KIAA1671: variants seen among roughly 807,000 people sequenced by gnomAD.
KIAA1671 encodes the protein KIAA1671.
A neutral mutation model predicts 131.2 loss-of-function variants in KIAA1671; 52 were observed. The observed-to-expected ratio is 0.40, with a 90% confidence interval of 0.32 to 0.50. The LOEUF (loss-of-function observed/expected upper bound fraction) is 0.50, where lower values mean the gene tolerates loss of function less well. KIAA1671 is among the 20% of genes least tolerant of loss of function. KIAA1671 has a pLI of 0.73. For synonymous variants in KIAA1671, 1,003 were observed against 961.6 expected, an observed-to-expected ratio of 1.04 and a Z score of -0.80; for missense variants, 2,360 against 2,364.2, an observed-to-expected ratio of 1.00 and a Z score of 0.04.
At chr22:25,188,279 C>T (rs7293195) in intron 11 of KIAA1671, among the ~76,000 whole-genome samples, 4,411 of 150,798 alleles carry the variant, frequency 0.029, 99 homozygotes, top group Middle Eastern at 0.061. Context: ...GCAGCCTGGG[C>T]GACAGAGAGA....
chr22:25,085,512 C>CG (rs1929656086), intron 6 of KIAA1671, among the ~76,000 whole-genome samples: 1 of 151,494 alleles, frequency 6.6e-6, no homozygotes, highest in South Asian at 2.1e-4. Context: ...CCCCACCTCC[C>CG]CCCCCATAAC....
At chr22:25,173,251 T>A (rs1933911346) in intron 7 of KIAA1671, among the ~76,000 whole-genome samples, 1 of 151,908 alleles carries the variant, frequency 6.6e-6, no homozygotes, top group Non-Finnish European at 1.5e-5. Context: ...CTTCCTCCAA[T>A]TCGACATGAG....
chr22:25,003,400 A>ATTTTTTTTTT (rs71191013), intron 1 of KIAA1671, among the ~76,000 whole-genome samples: 13 of 113,838 alleles, frequency 1.1e-4, no homozygotes, highest in African/African-American at 5.5e-4. Flanking sequence ...ACTTGGAGAG[A>ATTTTTTTTTT]TTTTTTTTTT....
chr22:25,039,342 G>A lies in KIAA1671; in HGVS notation c.2212G>A (p.Ala738Thr). The change falls in exon 5 of 13, where the codon GCA (alanine) becomes ACA (threonine). Residue 738 changes from alanine (A) to threonine (T), a missense_variant. Around this residue, in one of 3 missense-constraint regions of KIAA1671, gnomAD observed 1,185 missense variants for 1,126.2 expected, o/e 1.05. Transcript: ENST00000358431. ...TGAGCCCAGATATGACATTGTGCAT[G>A]CAGTGGGAGAGCGTGTGCACAGCGA... ...RIEPRYDIVHAVGERVHSEAI... is the reference protein window; with the variant it reads ...RIEPRYDIVHTVGERVHSEAI... The A allele has an allele frequency of 6.4e-7, 1 of 1,551,986 alleles. No individual in the cohort carries two copies. Among genetic ancestry groups the A allele is most frequent in the African/African-American group, 1.4e-5 (1 of 73,196 alleles).
intron 1 of KIAA1671, among the ~76,000 whole-genome samples, chr22:24,992,083 ACCGC>A (rs1923870164): frequency 6.6e-6 from 1 of 152,036 alleles, no homozygotes; most frequent in Non-Finnish European, 1.5e-5. Context: ...ACTGGCAGAC[ACCGC>A]CCTTGGCATA....
chr22:25,152,415 G>A (rs550618850), intron 6 of KIAA1671, among the ~76,000 whole-genome samples: 78 of 148,854 alleles, frequency 5.2e-4, no homozygotes, highest in Admixed American at 2.4e-3. Context: ...AAACCTTGCT[G>A]TGAGCACATG....
chr22:25,163,145 C>T (rs1317322672), intron 6 of KIAA1671, among the ~76,000 whole-genome samples: 1 of 151,772 alleles, frequency 6.6e-6, no homozygotes, highest in African/African-American at 2.4e-5. Flanking sequence ...CTGGGCAACA[C>T]GGTGAAACCT....
At position 25,179,451 on chromosome 22, in the gene KIAA1671, C is replaced by A. The variant is rs549585021; in HGVS notation, c.5074+1929C>A. On this transcript the variant is annotated intron_variant, in intron 9 of 12. Coordinates refer to ENST00000358431, the MANE Select transcript of KIAA1671 (RefSeq NM_001145206.2). ...CTCCATTTGTAGTTGAGCTTCTCCT[C>A]CGCCTGGCGGCTGAAGTTGTTATTC... 30 of 1,613,500 alleles carry A rather than the reference C, an allele frequency of 1.9e-5. No individual in the cohort carries two copies. The African/African-American group carries it at 3.1e-4, about 16-fold the overall frequency.
At chr22:25,138,390 G>A (rs1932755233) in intron 6 of KIAA1671, among the ~76,000 whole-genome samples, 1 of 152,154 alleles carries the variant, frequency 6.6e-6, no homozygotes, top group African/African-American at 2.4e-5. Context: ...GACCAAGAGG[G>A]GTATATAATC....
chr22:25,032,211 G>T (rs1301857408), intron 3 of KIAA1671, among the ~76,000 whole-genome samples: 1 of 152,216 alleles, frequency 6.6e-6, no homozygotes. Flanking sequence ...CCCTCCTGGG[G>T]CATCTTCACT....
At position 24,990,615 on chromosome 22, in the gene KIAA1671, G is replaced by C. The variant is rs371543786; in HGVS notation, c.-207-35018G>C. 1.4e-4 allele frequency among the ~76,000 whole-genome samples: 22 copies of C among 152,354 alleles called. No homozygotes were observed. In the East Asian group the frequency reaches 4.1e-3, roughly 28 times the overall value. ...GCAGAACCACCACCTCCAACCCAGCGCTGACATGGACAGGCCACCTCTGGA... is the reference window on the plus strand; with the variant it reads ...GCAGAACCACCACCTCCAACCCAGCCCTGACATGGACAGGCCACCTCTGGA... On this transcript the variant is annotated intron_variant, in intron 1 of 12. Coordinates refer to ENST00000358431, the MANE Select transcript of KIAA1671 (RefSeq NM_001145206.2).
At chr22:24,998,834 A>G (rs1924283141) in intron 1 of KIAA1671, among the ~76,000 whole-genome samples, 1 of 150,948 alleles carries the variant, frequency 6.6e-6, no homozygotes, top group Admixed American at 6.6e-5. Flanking sequence ...GTTGGGGACT[A>G]TCTGCAGGTT....
chr22:25,131,385 G>A (rs1406033723), intron 6 of KIAA1671, among the ~76,000 whole-genome samples: 2 of 152,212 alleles, frequency 1.3e-5, no homozygotes, highest in Non-Finnish European at 2.9e-5. Flanking sequence ...CACAGGTAGT[G>A]CCCACACCCA....
chr22:25,136,341 C>G (rs1186117753), intron 6 of KIAA1671, among the ~76,000 whole-genome samples: 2 of 152,174 alleles, frequency 1.3e-5, no homozygotes, highest in East Asian at 3.8e-4. Context: ...AGGGGCTTCA[C>G]CCAGATCACA....
intron 1 of KIAA1671, among the ~76,000 whole-genome samples, chr22:24,988,385 A>G (rs1923666057): frequency 6.6e-6 from 1 of 151,942 alleles, no homozygotes; most frequent in South Asian, 2.1e-4. Flanking sequence ...AGTGGGAAGG[A>G]TTCCCATTTT....
At chr22:24,982,087 G>A (rs1923263045) in intron 1 of KIAA1671, among the ~76,000 whole-genome samples, 8 of 152,090 alleles carry the variant, frequency 5.3e-5, no homozygotes, top group East Asian at 1.9e-4. Flanking sequence ...TGTCATCCAC[G>A]CACCACTTGA....
At chr22:25,068,357 C>A (rs1036551575) in intron 6 of KIAA1671, among the ~76,000 whole-genome samples, 2 of 152,264 alleles carry the variant, frequency 1.3e-5, no homozygotes, top group Non-Finnish European at 2.9e-5. Context: ...AAACCACAGG[C>A]CTGCCTCTGA....
In KIAA1671 at chr22:24,960,162, TAAATA is replaced by T. The variant is rs767236051; in HGVS notation, c.-208+7399_-208+7403del. On this transcript the variant is annotated intron_variant, in intron 1 of 12. Transcript: ENST00000358431. Reference sequence around the variant, plus strand: ...ATAAATAAATAAATAAATAAATAAATAAATAAAATAAAACAAATAATTTCACACGT... The same window carrying T: ...ATAAATAAATAAATAAATAAATAAATAAATAAAACAAATAATTTCACACGT... Among the ~76,000 whole-genome samples, 384 of 146,908 alleles carry T rather than the reference TAAATA, an allele frequency of 2.6e-3. 2 individuals carry two copies. The highest frequency in any genetic ancestry group is 4.2e-3 in the Non-Finnish European group (284 of 66,966).
chr22:25,039,159 G>C lies in KIAA1671; in HGVS notation c.2029G>C (p.Asp677His). The C allele has an allele frequency of 6.4e-7, 1 of 1,551,754 alleles. No individual in the cohort carries two copies. Among genetic ancestry groups the C allele is most frequent in the Non-Finnish European group, 8.7e-7 (1 of 1,147,066 alleles). ...KLKKENSRGF[D>H]NPETEKLGPT... ...GAAGAAAGAGAACTCCAGAGGGTTT[G>C]ACAATCCCGAGACGGAGAAATTGGG... Residue 677 changes from aspartate to histidine, a missense_variant, in exon 5 of 13, where the codon GAC becomes CAC. Physicochemically the swap from Asp to His is moderately conservative, Grantham distance 81. Around this residue, in one of 3 missense-constraint regions of KIAA1671, gnomAD observed 1,185 missense variants for 1,126.2 expected, o/e 1.05. Coordinates refer to ENST00000358431, the MANE Select transcript of KIAA1671 (RefSeq NM_001145206.2).
Sources: allele counts gnomAD v4.1 joint callset (sites outside exome capture counted in the v4.1 genomes callset), GRCh38; gene constraint gnomAD v4.1.1; regional missense constraint gnomAD v4.1.1; transcripts MANE v1.5; gene names NCBI Gene and HGNC (gene_info 2026-07-23, HGNC 2026-07-21).